NCKAP1: variants seen among roughly 807,000 people sequenced by gnomAD.
The protein encoded by NCKAP1 is NCK associated protein 1.
In NCKAP1, 21 loss-of-function variants were observed where a neutral mutation model predicts 151.2. That is an observed-to-expected ratio of 0.14 (90% CI 0.10 to 0.20). The LOEUF (loss-of-function observed/expected upper bound fraction) is 0.20. Among genes scored for constraint, NCKAP1 ranks in the 10% least tolerant of loss-of-function variants. The pLI, the probability that NCKAP1 is intolerant of heterozygous loss-of-function variation, is 1.00. For synonymous variants in NCKAP1, 484 were observed against 451.8 expected (o/e 1.07, Z -0.90); for missense variants, 933 against 1,352.1 (o/e 0.69, Z 4.86).
Position 183,011,143 on chromosome 2 carries a change from C to T in NCKAP1, c.220-7818G>A, listed in dbSNP as rs542744370. On this transcript the variant is annotated intron_variant, in intron 2 of 30. Transcript: ENST00000361354. The stretch of plus-strand genomic sequence containing the variant: ...TGCTCCTGATGAGAGTTCCTTTTAA[C>T]GTACAGTGTGTTAGAAAATATACTT... 1.8e-4 allele frequency among the ~76,000 whole-genome samples: 28 copies of T among 152,272 alleles called. No individual in the cohort carries two copies. The South Asian group carries it at 2.9e-3, about 16-fold the overall frequency.
chr2:182,930,618 G>A, intron 27 of NCKAP1, 77 bp downstream of exon 27: 2 of 1,125,336 alleles, frequency 1.8e-6, no homozygotes, highest in Non-Finnish European at 2.6e-6. Context: ...TGAATATATG[G>A]TTAAATATCA....
rs1698117112 is a variant in NCKAP1, at chr2:182,989,190, T to C, written c.791-4A>G. On this transcript the variant is annotated splice_polypyrimidine_tract_variant and splice_region_variant and intron_variant, in intron 8 of 30. Coordinates refer to ENST00000361354, the MANE Select transcript of NCKAP1 (RefSeq NM_013436.5). ...CCATGGCACAAAATAAAGCCAACTTTAAATAAAAAGAAAGCAAATACAAAT... is the reference window on the plus strand; with the variant it reads ...CCATGGCACAAAATAAAGCCAACTTCAAATAAAAAGAAAGCAAATACAAAT... The C allele has an allele frequency of 1.3e-6, 2 of 1,578,868 alleles. No individual in the cohort carries two copies. The highest frequency in any genetic ancestry group is 1.4e-5 in the African/African-American group (1 of 72,726).
intron 4 of NCKAP1, among the ~76,000 whole-genome samples, chr2:183,002,727 G>A (rs1698397139): frequency 6.6e-6 from 1 of 151,200 alleles, no homozygotes; most frequent in Non-Finnish European, 1.5e-5. Flanking sequence ...TTCAAAATTG[G>A]GCCTATTAAA....
intron 2 of NCKAP1, among the ~76,000 whole-genome samples, chr2:183,005,185 T>A (rs1698447151): frequency 6.6e-6 from 1 of 152,214 alleles, no homozygotes; most frequent in South Asian, 2.1e-4. Context: ...AACTTGAGTT[T>A]CAAAATACAA....
chr2:183,033,628 C>T (rs1243681084), intron 1 of NCKAP1, among the ~76,000 whole-genome samples: 2 of 152,124 alleles, frequency 1.3e-5, no homozygotes, highest in African/African-American at 4.8e-5. Flanking sequence ...GGGAAAACCT[C>T]AATATTTGAG....
intron 1 of NCKAP1, among the ~76,000 whole-genome samples, chr2:183,028,129 A>G (rs955683823): frequency 6.6e-6 from 1 of 152,048 alleles, no homozygotes; most frequent in Non-Finnish European, 1.5e-5. Context: ...ATAGAAAAAA[A>G]GGAAAGGTGA....
intron 18 of NCKAP1, among the ~76,000 whole-genome samples, chr2:182,959,656 C>T (rs889253257): frequency 2.6e-5 from 4 of 152,134 alleles, no homozygotes; most frequent in Admixed American, 1.3e-4. Context: ...AAACTGGAAG[C>T]ACTCCCTTTG....
rs1696444724 is a variant in NCKAP1 at position 182,914,978 on chromosome 2, A to T, written c.*10724T>A. On this transcript the variant is annotated 3_prime_UTR_variant, in exon 31 of 31. Coordinates refer to ENST00000361354, the MANE Select transcript of NCKAP1 (RefSeq NM_013436.5). ...GCAGATGTGATCATTTAAGCTGGGA[A>T]TGCAGCCATACCGGGTGTCAGAGCA... 1 of 152,208 alleles carries T rather than the reference A, an allele frequency of 6.6e-6. No individual in the cohort carries two copies. The highest frequency in any genetic ancestry group is 2.4e-5 in the African/African-American group (1 of 41,454). The allele number at this position is 152,208 out of a possible 1,614,324, so 9.4% of individuals were successfully genotyped here.
chr2:182,934,958 A>AT (rs1451195104), intron 25 of NCKAP1, 126 bp from the exon 26 acceptor site: 2 of 571,578 alleles, frequency 3.5e-6, no homozygotes, highest in Admixed American at 3.6e-5. Context: ...ACTTTCAGTG[A>AT]TTTTTCAAAA....
At chr2:183,005,218 A>C (rs1207728650) in intron 2 of NCKAP1, among the ~76,000 whole-genome samples, 1 of 152,216 alleles carries the variant, frequency 6.6e-6, no homozygotes, top group Non-Finnish European at 1.5e-5. Context: ...CATTCATAAT[A>C]GTAAGATATG....
chr2:182,984,046 T>A (rs948863554), intron 10 of NCKAP1, among the ~76,000 whole-genome samples: 23 of 107,232 alleles, frequency 2.1e-4, no homozygotes, highest in African/African-American at 5.5e-4. Context: ...AAAAAAAAAA[T>A]CCTTGAAGGC....
chr2:182,947,972 C>T (rs1697141827), intron 23 of NCKAP1, among the ~76,000 whole-genome samples: 1 of 152,012 alleles, frequency 6.6e-6, no homozygotes, highest in Admixed American at 6.6e-5. Context: ...TAATAATACA[C>T]AAGTAGTTGA....
Position 183,019,430 on chromosome 2 carries a change from AG to A in NCKAP1, c.219+4375del, listed in dbSNP as rs948897619. ...TGAACATTTGCTTACATTGCCTTTT[AG>A]GTTTCCTGAGCCAAATAATTTGTAT... On this transcript the variant is annotated intron_variant, in intron 2 of 30. Transcript: ENST00000361354. 2.0e-5 allele frequency among the ~76,000 whole-genome samples: 3 copies of A among 152,322 alleles called. 1 individual carries two copies. The highest frequency in any genetic ancestry group is 2.4e-5 in the African/African-American group (1 of 41,582).
At chr2:183,034,094 T>C (rs2105902173) in intron 1 of NCKAP1, among the ~76,000 whole-genome samples, 1 of 152,186 alleles carries the variant, frequency 6.6e-6, no homozygotes, top group Non-Finnish European at 1.5e-5. Context: ...TGGAAACAAA[T>C]ACAATACTGA....
chr2:182,975,936 T>A (rs1025878107), intron 15 of NCKAP1, among the ~76,000 whole-genome samples: 4 of 152,056 alleles, frequency 2.6e-5, no homozygotes, highest in Non-Finnish European at 2.9e-5. Flanking sequence ...AATATTTTTT[T>A]AAAAAGACAA....
intron 1 of NCKAP1, among the ~76,000 whole-genome samples, chr2:183,024,759 C>A (rs561661091): frequency 6.6e-6 from 1 of 152,312 alleles, no homozygotes; most frequent in African/African-American, 2.4e-5. Context: ...AAAATTATAA[C>A]ATTTCTATTT....
chr2:182,975,743 A>AT (rs1697807721), intron 15 of NCKAP1, among the ~76,000 whole-genome samples: 1 of 151,892 alleles, frequency 6.6e-6, no homozygotes, highest in African/African-American at 2.4e-5. Flanking sequence ...CAGTCTCTAA[A>AT]ATTTTTTTTT....
chr2:182,970,519 T>C (rs1242797486), intron 15 of NCKAP1, among the ~76,000 whole-genome samples: 4 of 152,120 alleles, frequency 2.6e-5, no homozygotes, highest in African/African-American at 9.7e-5. Context: ...CATCTCTTCA[T>C]AATAAAAACT....
chr2:182,962,005 A>C (rs1178661748), intron 18 of NCKAP1, among the ~76,000 whole-genome samples, 154 bp downstream of exon 18: 1 of 152,224 alleles, frequency 6.6e-6, no homozygotes, highest in Non-Finnish European at 1.5e-5. Flanking sequence ...CATCTAAGAA[A>C]TTATACCTGT....
Sources: allele counts gnomAD v4.1 joint callset (sites outside exome capture counted in the v4.1 genomes callset), GRCh38; gene constraint gnomAD v4.1.1; transcripts MANE v1.5; gene names NCBI Gene and HGNC (gene_info 2026-07-23, HGNC 2026-07-21).